The following RBMS3 variants were observed in gnomAD, a reference collection of about 807,000 sequenced individuals.
RBMS3 encodes the protein RNA binding motif single stranded interacting protein 3, also known as RNA-binding motif, single-stranded-interacting protein 3.
In RBMS3, 27 loss-of-function variants were observed where a neutral mutation model predicts 66.8. The observed-to-expected ratio is 0.40, with a 90% CI of 0.30 to 0.56. RBMS3 has a LOEUF of 0.56. Among genes scored for constraint, RBMS3 ranks in the 20% least tolerant of loss-of-function variants. The pLI, the probability that RBMS3 is intolerant of heterozygous loss-of-function variation, is 0.40. For missense variants in RBMS3, 513 were observed against 549.5 expected (o/e 0.93, Z 0.66); for synonymous variants, 188 against 183.0 (o/e 1.03, Z -0.22).
rs199500576 is a variant in RBMS3 at position 29,605,968 on chromosome 3, G to GTTT, written c.399+18776_399+18778dup. ...CTTTGTTAAGACATGAAACAAGGTA[G>GTTT]TTTTTTTTTTTTTTTCTAACTCCTT... On this transcript the variant is annotated intron_variant, in intron 4 of 14. Transcript: ENST00000383767. Among the ~76,000 whole-genome samples the GTTT allele has an allele frequency of 1.8e-3, 255 of 140,868 alleles. 1 individual carries two copies. The highest frequency in any genetic ancestry group is 2.9e-3 in the African/African-American group (113 of 38,960). The allele number at this position is 140,868 out of a possible 152,430, so 92.4% of individuals were successfully genotyped here.
intron 12 of RBMS3, among the ~76,000 whole-genome samples, chr3:29,963,345 T>G (rs1403562754): frequency 6.6e-6 from 1 of 152,140 alleles, no homozygotes; most frequent in East Asian, 1.9e-4. Context: ...CAGTAGTTTA[T>G]TAAATCTTCC....
intron 1 of RBMS3, among the ~76,000 whole-genome samples, chr3:29,322,092 G>A (rs1484857906): frequency 2.6e-5 from 4 of 151,874 alleles, no homozygotes; most frequent in Non-Finnish European, 5.9e-5. Flanking sequence ...GTTTTCTAAA[G>A]GATGCTCCAT....
intron 11 of RBMS3, among the ~76,000 whole-genome samples, chr3:29,943,714 A>C (rs1168731521): frequency 6.6e-6 from 1 of 151,804 alleles, no homozygotes; most frequent in Non-Finnish European, 1.5e-5. Flanking sequence ...GCTAGAGCTG[A>C]GTAATAAATA....
At chr3:29,331,900 A>C (rs1453926941) in intron 1 of RBMS3, among the ~76,000 whole-genome samples, 1 of 129,708 alleles carries the variant, frequency 7.7e-6, no homozygotes, top group Non-Finnish European at 1.5e-5. Flanking sequence ...TGGCTTGTTC[A>C]TCTATTAGAG....
At chr3:29,499,833 A>G (rs144926090) in intron 3 of RBMS3, among the ~76,000 whole-genome samples, 313 of 152,288 alleles carry the variant, frequency 2.1e-3, no homozygotes, top group African/African-American at 7.2e-3. Context: ...CTCGTCCACA[A>G]TTCAAACAGC....
chr3:29,561,710 C>T (rs1444476554), intron 3 of RBMS3, among the ~76,000 whole-genome samples: 2 of 152,178 alleles, frequency 1.3e-5, no homozygotes, highest in Admixed American at 1.3e-4. Context: ...CTCGGCCTCC[C>T]AAAGTGCTAG....
intron 2 of RBMS3, among the ~76,000 whole-genome samples, chr3:29,477,418 G>A (rs777211289): frequency 3.3e-5 from 5 of 151,110 alleles, no homozygotes; most frequent in Admixed American, 2.0e-4. Flanking sequence ...CATTTAATGG[G>A]CATGTATTGA....
At chr3:29,526,020 AC>A (rs1224974224) in intron 3 of RBMS3, among the ~76,000 whole-genome samples, 6 of 152,078 alleles carry the variant, frequency 3.9e-5, no homozygotes, top group Non-Finnish European at 7.4e-5. Context: ...TTGTTCTACT[AC>A]CTACCTGAGG....
At chr3:29,957,223 C>T (rs12630621) in intron 12 of RBMS3, among the ~76,000 whole-genome samples, 1 of 152,098 alleles carries the variant, frequency 6.6e-6, no homozygotes, top group Non-Finnish European at 1.5e-5. Context: ...TATCATTTCT[C>T]CCCTCTAGAG....
intron 4 of RBMS3, among the ~76,000 whole-genome samples, chr3:29,674,682 C>T (rs2051156493): frequency 6.8e-6 from 1 of 146,698 alleles, no homozygotes; most frequent in Admixed American, 6.9e-5. Context: ...ACATAGGAAT[C>T]CAACTTACAA....
chr3:29,674,432 G>C (rs1420181540), intron 4 of RBMS3, among the ~76,000 whole-genome samples: 2 of 151,944 alleles, frequency 1.3e-5, no homozygotes, highest in Non-Finnish European at 2.9e-5. Flanking sequence ...AGAAAGAAAG[G>C]GTATTCAGTT....
intron 6 of RBMS3, among the ~76,000 whole-genome samples, chr3:29,818,457 C>A (rs1203218034): frequency 2.6e-5 from 4 of 151,402 alleles, no homozygotes; most frequent in Admixed American, 1.3e-4. Flanking sequence ...TTGCTTGACC[C>A]CACTGAGAGA....
chr3:29,887,068 A>C (rs1356410173), intron 8 of RBMS3, among the ~76,000 whole-genome samples: 3 of 151,794 alleles, frequency 2.0e-5, no homozygotes, highest in Non-Finnish European at 4.4e-5. Context: ...TACCATAAGC[A>C]CCCATTGGTG....
At chr3:29,333,968 A>T (rs1456315306) in intron 1 of RBMS3, among the ~76,000 whole-genome samples, 1 of 152,166 alleles carries the variant, frequency 6.6e-6, no homozygotes, top group Non-Finnish European at 1.5e-5. Context: ...AGAGATCTAG[A>T]CTTGCTTGTA....
intron 5 of RBMS3, among the ~76,000 whole-genome samples, chr3:29,740,218 C>A (rs531263465): frequency 1.5e-4 from 23 of 152,046 alleles, no homozygotes; most frequent in African/African-American, 4.8e-4. Flanking sequence ...CCCAGTACCC[C>A]AAAGCAAAAG....
chr3:29,643,363 T>A (rs1226432954), intron 4 of RBMS3, among the ~76,000 whole-genome samples: 3 of 152,132 alleles, frequency 2.0e-5, no homozygotes, highest in Non-Finnish European at 4.4e-5. Flanking sequence ...CTGCACGGGC[T>A]TCATGAGCCT....
chr3:29,394,439 G>T (rs551381952), intron 1 of RBMS3, among the ~76,000 whole-genome samples: 1 of 152,224 alleles, frequency 6.6e-6, no homozygotes, highest in East Asian at 1.9e-4. Context: ...AGGGTCCTGA[G>T]GAGACATACA....
At chr3:29,676,936 TA>T (rs1158705851) in intron 4 of RBMS3, among the ~76,000 whole-genome samples, 2 of 152,142 alleles carry the variant, frequency 1.3e-5, no homozygotes, top group African/African-American at 4.8e-5. Flanking sequence ...AAAAGAGGTT[TA>T]ATTGGCACAT....
At chr3:29,981,579 CTCT>C (rs936415520) in intron 12 of RBMS3, among the ~76,000 whole-genome samples, 10 of 152,074 alleles carry the variant, frequency 6.6e-5, no homozygotes, top group African/African-American at 2.4e-4. Flanking sequence ...TCATAAATAG[CTCT>C]TATTATTTTG....
Sources: gnomAD v4.1 joint callset for allele counts (sites outside exome capture counted in the v4.1 genomes callset) on GRCh38, gnomAD v4.1.1 for gene constraint, MANE v1.5 for transcripts, NCBI Gene and HGNC (gene_info 2026-07-23, HGNC 2026-07-21) for gene names.